The following ARL6 variants were observed in gnomAD, a reference collection of about 807,000 sequenced individuals.
ARL6 encodes the protein ADP-ribosylation factor-like protein 6.
In ARL6, 18 loss-of-function variants were observed where a neutral mutation model predicts 27.1. That is an observed-to-expected ratio of 0.66 (90% CI 0.46 to 0.98). ARL6 has a LOEUF of 0.98. Among genes scored for constraint, ARL6 ranks in the 50% least tolerant of loss-of-function variants. The probability of loss-of-function intolerance (pLI) is 0.00; values close to 1 mark genes in which losing one functional copy is unlikely to be tolerated. For missense variants in ARL6, 187 were observed against 214.9 expected, an observed-to-expected ratio of 0.87 and a Z score of 0.81; for synonymous variants, 65 against 72.3, an observed-to-expected ratio of 0.90 and a Z score of 0.51.
Position 97,800,146 on chromosome 3 carries a change from A to G in ARL6, c.*2097A>G, listed in dbSNP as rs1366883720. The stretch of plus-strand genomic sequence containing the variant: ...ACTACAGTAGCTCATACCTATGCAA[A>G]TATTTAGAAGAAGGAGAAGTACCCT... On this transcript the variant is annotated 3_prime_UTR_variant, in exon 8 of 8. Transcript: ENST00000463745. The G allele has an allele frequency of 1.3e-5, 2 of 152,128 alleles. No individual in the cohort carries two copies. The highest frequency in any genetic ancestry group is 3.9e-4 in the East Asian group (2 of 5,190). 9.4% of individuals were successfully genotyped at this position (152,128 alleles called of 1,614,324 possible).
chr3:97,794,510 G>A (rs2037905660), intron 7 of ARL6, among the ~76,000 whole-genome samples: 2 of 151,646 alleles, frequency 1.3e-5, no homozygotes, highest in African/African-American at 2.4e-5. Context: ...CACCGCGCCC[G>A]GCCACTTTGG....
intron 2 of ARL6, among the ~76,000 whole-genome samples, chr3:97,770,838 G>A (rs1252158857): frequency 6.6e-6 from 1 of 151,976 alleles, no homozygotes; most frequent in Non-Finnish European, 1.5e-5. Flanking sequence ...GTAAATACAT[G>A]GATTTATTTC....
chr3:97,776,384 C>G (rs2036902962), intron 2 of ARL6, among the ~76,000 whole-genome samples: 1 of 151,716 alleles, frequency 6.6e-6, no homozygotes, highest in African/African-American at 2.4e-5. Flanking sequence ...TTTTTTTAAT[C>G]CATTCAGCCA....
At chr3:97,769,729 C>T (rs970547957) in intron 2 of ARL6, among the ~76,000 whole-genome samples, 1 of 152,006 alleles carries the variant, frequency 6.6e-6, no homozygotes, top group Non-Finnish European at 1.5e-5. Context: ...ACCACCTACT[C>T]TATGTCTCTA....
intron 1 of ARL6, among the ~76,000 whole-genome samples, chr3:97,766,298 G>A (rs542469642): frequency 2.0e-5 from 3 of 152,298 alleles, no homozygotes; most frequent in African/African-American, 7.2e-5. Flanking sequence ...AAATCAAATG[G>A]TATGTGTGAA....
intron 5 of ARL6, among the ~76,000 whole-genome samples, chr3:97,786,657 A>G (rs1007373075): frequency 3.3e-5 from 5 of 152,206 alleles, no homozygotes; most frequent in African/African-American, 9.6e-5. Context: ...AGCAAAATGT[A>G]CTGTGAACAG....
intron 4 of ARL6, among the ~76,000 whole-genome samples, chr3:97,782,749 T>G (rs2037258956): frequency 6.6e-6 from 1 of 151,598 alleles, no homozygotes; most frequent in African/African-American, 2.4e-5. Flanking sequence ...TTAGCATTAT[T>G]TATAACATTT....
chr3:97,800,132 T>C lies in ARL6; in HGVS notation c.*2083T>C, dbSNP rs887003685. 15 of 152,134 alleles carry C rather than the reference T, an allele frequency of 9.9e-5. No individual in the cohort carries two copies. Among genetic ancestry groups the C allele is most frequent in the African/African-American group, 3.4e-4 (14 of 41,444 alleles). 9.4% of individuals were successfully genotyped at this position (152,134 alleles called of 1,614,324 possible). On this transcript the variant is annotated 3_prime_UTR_variant, in exon 8 of 8. Transcript: ENST00000463745. ...TTGGTATTCCACAAACTACAGTAGC[T>C]CATACCTATGCAAATATTTAGAAGA...
Position 97,788,019 on chromosome 3 carries a change from T to A in ARL6, c.379T>A (p.Phe127Ile). 6.2e-7 allele frequency: 1 copy of A among 1,613,384 alleles called. No homozygotes were observed. The highest frequency in any genetic ancestry group is 8.5e-7 in the Non-Finnish European group (1 of 1,179,514). ...TAAACACCGTCGAATTCCAATCTTA[T>A]TCTTTGCAAATAAAATGGATCTTAG... The part of the protein sequence containing the change: ...DIKHRRIPIL[F>I]FANKMDLRDA... Residue 127 changes from phenylalanine to isoleucine, a missense_variant, in exon 6 of 8, where the codon TTC (phenylalanine) becomes ATC (isoleucine). By Grantham distance (21) the Phe-to-Ile change is conservative. Transcript: ENST00000463745.
chr3:97,797,916 A>G lies in ARL6; in HGVS notation c.536-108A>G. Reference sequence around the variant, plus strand: ...TAAAAAATAATAATAACAAAAGCACATGTATACATAAGTTTCCAACATGTT... The same window carrying G: ...TAAAAAATAATAATAACAAAAGCACGTGTATACATAAGTTTCCAACATGTT... On this transcript the variant is annotated intron_variant, in intron 7 of 7. Transcript: ENST00000463745. The G allele has an allele frequency of 4.0e-6, 4 of 1,000,374 alleles. No individual in the cohort carries two copies. In the Admixed American group the frequency reaches 7.6e-5, roughly 19 times the overall value. The allele number at this position is 1,000,374 out of a possible 1,614,324, so 62.0% of individuals were successfully genotyped here. A position where few individuals can be genotyped will look rare whatever the true frequency, so the allele number is the denominator to read the frequency against.
At chr3:97,788,688 G>A (rs747373157) in intron 6 of ARL6, among the ~76,000 whole-genome samples, 1 of 152,044 alleles carries the variant, frequency 6.6e-6, no homozygotes, top group Non-Finnish European at 1.5e-5. Context: ...AAATGGAAAT[G>A]GAAATTTTAA....
rs1422644816 is a variant in ARL6 at position 97,799,126 on chromosome 3, T to C, written c.*1077T>C. 1 of 152,046 alleles carries C rather than the reference T, an allele frequency of 6.6e-6. No homozygotes were observed. The highest frequency in any genetic ancestry group is 1.5e-5 in the Non-Finnish European group (1 of 67,904). 9.4% of individuals were successfully genotyped at this position (152,046 alleles called of 1,614,324 possible). The stretch of plus-strand genomic sequence containing the variant: ...AGCAACAGTATATAGAGCAATATTG[T>C]TGATCCTGATAAACACTGCATATAA... On this transcript the variant is annotated 3_prime_UTR_variant, in exon 8 of 8. Coordinates refer to ENST00000463745, the MANE Select transcript of ARL6 (RefSeq NM_001278293.3).
At chr3:97,770,192 T>C (rs141650596) in intron 2 of ARL6, among the ~76,000 whole-genome samples, 109 of 152,230 alleles carry the variant, frequency 7.2e-4, no homozygotes, top group African/African-American at 2.5e-3. Context: ...TTCACCAGCA[T>C]TCATTATTTT....
chr3:97,801,214 C>T lies in ARL6; in HGVS notation c.*3165C>T, dbSNP rs750247534. On this transcript the variant is annotated 3_prime_UTR_variant, in exon 8 of 8. Transcript: ENST00000463745. ...AAATAAATAGGTTTGTGTACGTCTG[C>T]GACTAGAGAGAAATACTACAGTGAT... 12 of 152,098 alleles carry T rather than the reference C, an allele frequency of 7.9e-5. No homozygotes were observed. Among genetic ancestry groups the T allele is most frequent in the Admixed American group, 6.6e-5 (1 of 15,264 alleles). The allele number at this position is 152,098 out of a possible 1,614,324, so 9.4% of individuals were successfully genotyped here.
chr3:97,775,616 C>T lies in ARL6; in HGVS notation c.124-4543C>T, dbSNP rs937701966. ...ACACCCAGGATCAATACTTTGCATCCTTCAATCCAATCAAATTGACACTTA... is the reference window on the plus strand; with the variant it reads ...ACACCCAGGATCAATACTTTGCATCTTTCAATCCAATCAAATTGACACTTA... On this transcript the variant is annotated intron_variant, in intron 2 of 7. Coordinates refer to ENST00000463745, the MANE Select transcript of ARL6 (RefSeq NM_001278293.3). Among the ~76,000 whole-genome samples, 5 of 152,152 alleles carry T rather than the reference C, an allele frequency of 3.3e-5. No homozygotes were observed. The East Asian group carries it at 9.6e-4, about 29-fold the overall frequency.
Position 97,785,156 on chromosome 3 carries a change from T to C in ARL6, c.349+107T>C, listed in dbSNP as rs1185836353. On this transcript the variant is annotated intron_variant, in intron 5 of 7. Transcript: ENST00000463745. ...CTATGTAATTATCTTTCATTTAAAA[T>C]TTTTGAATTTAAAACATATATGTTA... is the stretch of plus-strand genomic sequence containing the variant. The C allele has an allele frequency of 4.7e-6, 4 of 856,134 alleles. No individual in the cohort carries two copies. In the African/African-American group the frequency reaches 6.8e-5, roughly 15 times the overall value. The allele number at this position is 856,134 out of a possible 1,614,324, so 53.0% of individuals were successfully genotyped here.
At chr3:97,786,854 T>C (rs554651934) in intron 5 of ARL6, among the ~76,000 whole-genome samples, 37 of 152,210 alleles carry the variant, frequency 2.4e-4, no homozygotes, top group Non-Finnish European at 4.3e-4. Context: ...ATGGAAAGAT[T>C]CTTGGCCTTT....
Position 97,800,796 on chromosome 3 carries a change from C to T in ARL6, c.*2747C>T, listed in dbSNP as rs1298736709. The stretch of plus-strand genomic sequence containing the variant: ...GAGCTGGAAGTCTGAGATCAGATTA[C>T]CAGCATGGTTGGGTTCTGGTGAGAG... On this transcript the variant is annotated 3_prime_UTR_variant, in exon 8 of 8. Coordinates refer to ENST00000463745, the MANE Select transcript of ARL6 (RefSeq NM_001278293.3). The T allele has an allele frequency of 6.6e-6, 1 of 152,096 alleles. No individual in the cohort carries two copies. The highest frequency in any genetic ancestry group is 2.4e-5 in the African/African-American group (1 of 41,398). 9.4% of individuals were successfully genotyped at this position (152,096 alleles called of 1,614,324 possible).
intron 2 of ARL6, among the ~76,000 whole-genome samples, chr3:97,774,220 G>T (rs994496502): frequency 6.6e-6 from 1 of 152,130 alleles, no homozygotes; most frequent in Non-Finnish European, 1.5e-5. Context: ...TAGAAAACTC[G>T]AGCAGTTCTT....
Sources: allele counts gnomAD v4.1 joint callset (sites outside exome capture counted in the v4.1 genomes callset), GRCh38; gene constraint gnomAD v4.1.1; transcripts MANE v1.5; gene names NCBI Gene and HGNC (gene_info 2026-07-23, HGNC 2026-07-21).